Variants in LCN12 observed in about 807,000 individuals in gnomAD.
LCN12 encodes epididymal-specific lipocalin-12.
Under a neutral mutation model 23.7 loss-of-function variants are expected in LCN12, and 15 were observed. That is an observed-to-expected ratio of 0.63 (90% CI 0.42 to 0.97). The LOEUF (loss-of-function observed/expected upper bound fraction) is 0.97. Among genes scored for constraint, LCN12 ranks in the 50% least tolerant of loss-of-function variants. The probability of loss-of-function intolerance (pLI) is 0.00; values close to 1 mark genes in which losing one functional copy is unlikely to be tolerated. For missense variants in LCN12, 219 were observed against 249.6 expected, an observed-to-expected ratio of 0.88 and a Z score of 0.83; for synonymous variants, 116 against 111.5, an observed-to-expected ratio of 1.04 and a Z score of -0.25.
upstream of LCN12, among the ~76,000 whole-genome samples, chr9:136,950,208 G>C (rs892066115): frequency 6.6e-6 from 1 of 152,226 alleles, no homozygotes; most frequent in Non-Finnish European, 1.5e-5. Context: ...CCGCGGTGGG[G>C]GGAGGAGGCG....
rs1366337710 is a variant in LCN12, at chr9:136,953,854, G to C, written c.338G>C (p.Gly113Ala). Residue 113 changes from glycine (G) to alanine (A), a missense_variant, in exon 4 of 6, where the codon GGG (glycine) becomes GCG (alanine). Physicochemically the swap from Gly to Ala is moderately conservative, Grantham distance 60 (BLOSUM62 0). Coordinates refer to ENST00000371633, the MANE Select transcript of LCN12 (RefSeq NM_178536.4). ...QFTVDHGVEP[G>A]ADREETRVVD... ...GACGTCTGTGCCGCCTCAGAGCCCG[G>C]GGCGGACAGAGAGGAGACCCGGGTG... is the stretch of plus-strand genomic sequence containing the variant. 6.2e-7 allele frequency: 1 copy of C among 1,600,614 alleles called. No individual in the cohort carries two copies. The highest frequency in any genetic ancestry group is 8.5e-7 in the Non-Finnish European group (1 of 1,174,114).
chr9:136,949,286 CT>C (rs1325214615), upstream of LCN12, among the ~76,000 whole-genome samples: 1 of 152,248 alleles, frequency 6.6e-6, no homozygotes, highest in African/African-American at 2.4e-5. Context: ...TGTTAGCAGT[CT>C]TGCCCAAGAC....
At chr9:136,956,121 ACC>A (rs1250189191), downstream of LCN12, among the ~76,000 whole-genome samples, 1 of 151,238 alleles carries the variant, frequency 6.6e-6, no homozygotes, top group Non-Finnish European at 1.5e-5. Flanking sequence ...GCCCACCCCC[ACC>A]GGCCAGCCAG....
At chr9:136,950,937 TC>T (rs1255729612), upstream of LCN12, among the ~76,000 whole-genome samples, 3 of 139,764 alleles carry the variant, frequency 2.1e-5, no homozygotes, top group Non-Finnish European at 4.9e-5. Flanking sequence ...TGAGCCTAAG[TC>T]CCTTGTAAGC....
rs760854800 is a variant in LCN12 at position 136,954,232 on chromosome 9, A to G, written c.527A>G (p.Asn176Ser). The change falls in exon 5 of 6, where the codon AAC becomes AGC. Residue 176 changes from asparagine to serine, a missense_variant. Transcript: ENST00000371633. Reference sequence around the variant, plus strand: ...AGAGCTCAGGGCCTCTCGGATGACAACATCGTCTTCCCAGATGTGACTGGT... The same window carrying G: ...AGAGCTCAGGGCCTCTCGGATGACAGCATCGTCTTCCCAGATGTGACTGGT... ...LGRAQGLSDD[N>S]IVFPDVTGWS... 7.0e-6 allele frequency: 11 copies of G among 1,577,264 alleles called. No individual in the cohort carries two copies. The South Asian group carries it at 1.0e-4, about 15-fold the overall frequency.
chr9:136,949,254 TCTATAGAAACTAACA>T (rs1851096207), upstream of LCN12, among the ~76,000 whole-genome samples: 1 of 152,206 alleles, frequency 6.6e-6, no homozygotes, highest in South Asian at 2.1e-4. Context: ...AGTTTTTTCA[TCTATAGAAACTAACA>T]TTTAATTGTT....
upstream of LCN12, among the ~76,000 whole-genome samples, chr9:136,950,482 G>T (rs752494736): frequency 3.3e-5 from 5 of 152,184 alleles, no homozygotes; most frequent in Non-Finnish European, 5.9e-5. Context: ...TTTTCCTCCC[G>T]CAGGGCCCTG....
chr9:136,954,534 C>T (rs1428620516), intron 5 of LCN12: 3 of 461,388 alleles, frequency 6.5e-6, no homozygotes, highest in South Asian at 5.9e-5. Context: ...CGGGCCACCT[C>T]CCCCTGCCCC....
upstream of LCN12, among the ~76,000 whole-genome samples, chr9:136,950,423 C>T (rs148800135): frequency 3.3e-5 from 5 of 152,278 alleles, no homozygotes; most frequent in East Asian, 9.7e-4. Flanking sequence ...CCCACCCGAC[C>T]TCTGCTGCTC....
At chr9:136,955,845 C>T (rs534107234), downstream of LCN12, among the ~76,000 whole-genome samples, 2 of 152,184 alleles carry the variant, frequency 1.3e-5, no homozygotes, top group South Asian at 2.1e-4. Context: ...GAGCTTGCCC[C>T]GGAAACACTC....
chr9:136,954,860 GC>G, intron 5 of LCN12: 1 of 1,242,978 alleles, frequency 8.0e-7, no homozygotes, highest in Non-Finnish European at 1.0e-6. Flanking sequence ...CTGGAGGGAT[GC>G]CCACCGTGCC....
At chr9:136,953,202 G>C in intron 2 of LCN12, 174 bp downstream of exon 2, 2 of 838,408 alleles carry the variant, frequency 2.4e-6, no homozygotes, top group South Asian at 3.4e-5. Context: ...GGGCAGCTGG[G>C]CGCGCTGGCT....
At chr9:136,955,604 C>T (rs776383998), downstream of LCN12, 110 of 537,722 alleles carry the variant, frequency 2.0e-4, no homozygotes, top group Non-Finnish European at 3.3e-4. Flanking sequence ...CACACTATGG[C>T]CCCCCAGCCG....
downstream of LCN12, among the ~76,000 whole-genome samples, chr9:136,956,192 G>A (rs552312021): frequency 1.1e-4 from 16 of 152,156 alleles, no homozygotes; most frequent in Admixed American, 9.2e-4. Flanking sequence ...ACTGTCCTCC[G>A]GGCAGGGAGA....
chr9:136,953,991 C>G (rs772624892), intron 4 of LCN12, 27 bp downstream of exon 4: 31 of 1,600,794 alleles, frequency 1.9e-5, no homozygotes, highest in Non-Finnish European at 2.6e-5. Context: ...GTCCTGGGCC[C>G]GTGTGTGGCC....
upstream of LCN12, among the ~76,000 whole-genome samples, chr9:136,949,363 G>C (rs1043642311): frequency 6.6e-6 from 1 of 152,252 alleles, no homozygotes; most frequent in Non-Finnish European, 1.5e-5. Context: ...AGAGTGCTGT[G>C]TGGGGCCCCG....
At chr9:136,953,596 C>T in intron 2 of LCN12, 104 bp from the exon 3 acceptor site, 3 of 787,428 alleles carry the variant, frequency 3.8e-6, no homozygotes, top group Non-Finnish European at 4.0e-6. Flanking sequence ...CCACTCCCGC[C>T]GTGGGTCCCT....
Position 136,952,360 on chromosome 9 carries a change from C to T in LCN12, c.33C>T (p.Leu11=), listed in dbSNP as rs368512013. 8.1e-6 allele frequency: 13 copies of T among 1,611,618 alleles called. No individual in the cohort carries two copies. The highest frequency in any genetic ancestry group is 1.6e-4 in the Middle Eastern group (1 of 6,070). The change falls in exon 1 of 6, where the codon CTC becomes CTT. Residue 11 remains leucine (L), a synonymous_variant. Coordinates refer to ENST00000371633, the MANE Select transcript of LCN12 (RefSeq NM_178536.4). The part of the protein sequence containing the change: MRLLCGLWLW[L]SLLKVLQAQT... ...TGCTGTGTGGCCTGTGGCTGTGGCT[C>T]TCCTTGCTGAAAGTCCTGCAGGCCC... is the stretch of plus-strand genomic sequence containing the variant.
chr9:136,953,291 C>T lies in LCN12; in HGVS notation c.251+263C>T, dbSNP rs549500038. On this transcript the variant is annotated intron_variant, in intron 2 of 5. Transcript: ENST00000371633. ...ATCCCAGCACTTCCGGGGCTGGGCG[C>T]GCTGGCTCACACCTGTAATCCCAGG... 1.3e-3 allele frequency among the ~76,000 whole-genome samples: 198 copies of T among 152,172 alleles called. 1 individual carries two copies. Among genetic ancestry groups the T allele is most frequent in the African/African-American group, 4.5e-3 (185 of 41,492 alleles).
Sources: allele counts gnomAD v4.1 joint callset (sites outside exome capture counted in the v4.1 genomes callset), GRCh38; gene constraint gnomAD v4.1.1; transcripts MANE v1.5; gene names NCBI Gene and HGNC (gene_info 2026-07-23, HGNC 2026-07-21).